MICAL3: variants seen among roughly 807,000 people sequenced by gnomAD.
MICAL3 encodes [F-actin]-monooxygenase MICAL3.
MICAL3 carries 62 observed loss-of-function variants against 207.4 expected under a neutral mutation model. That is an observed-to-expected ratio of 0.30 (90% CI 0.24 to 0.37). The LOEUF (loss-of-function observed/expected upper bound fraction) is 0.37, where lower values mean the gene tolerates loss of function less well. MICAL3 is among the 10% of genes least tolerant of loss of function. MICAL3 has a pLI of 1.00. For missense variants in MICAL3, 2,368 were observed against 2,635.6 expected (o/e 0.90, Z 2.22); for synonymous variants, 1,077 against 1,069.3 (o/e 1.01, Z -0.14).
At chr22:17,867,704 G>C (rs535038598) in intron 17 of MICAL3, among the ~76,000 whole-genome samples, 2 of 152,330 alleles carry the variant, frequency 1.3e-5, no homozygotes, top group Non-Finnish European at 2.9e-5. Flanking sequence ...TATGGGGATG[G>C]TGAGGGAGGT....
chr22:17,854,604 C>A (rs546598460), intron 19 of MICAL3, among the ~76,000 whole-genome samples: 57 of 152,266 alleles, frequency 3.7e-4, no homozygotes, highest in African/African-American at 1.2e-3. Flanking sequence ...TTGGTCACTG[C>A]CACTCGCTGA....
chr22:18,018,396 A>G (rs1355269456), intron 1 of MICAL3, among the ~76,000 whole-genome samples: 4 of 152,184 alleles, frequency 2.6e-5, no homozygotes, highest in African/African-American at 9.7e-5. Flanking sequence ...TAAGAAATAT[A>G]TTTTGCATCA....
At chr22:17,871,753 A>G in intron 17 of MICAL3, 84 bp downstream of exon 17, 1 of 1,268,594 alleles carries the variant, frequency 7.9e-7, no homozygotes. Flanking sequence ...ATAAGGCAGG[A>G]AGGGGCCCAA....
intron 16 of MICAL3, chr22:17,876,694 G>A (rs1928387597): frequency 6.6e-6 from 1 of 150,786 alleles, no homozygotes; most frequent in African/African-American, 2.5e-5. Context: ...AAGTACACAT[G>A]CAGGGTTATG....
Position 17,896,282 on chromosome 22 carries a change from G to C in MICAL3, c.1286C>G (p.Ser429Cys). 1 of 1,559,450 alleles carries C rather than the reference G, an allele frequency of 6.4e-7. No homozygotes were observed. Among genetic ancestry groups the C allele is most frequent in the South Asian group, 1.2e-5 (1 of 84,358 alleles). ...CACTTCCAAAGGGCTCGTTCCTAGA[G>C]ACCAACTTCGGACCATCCAGGCAGA... is the stretch of plus-strand genomic sequence containing the variant. ...MDSAWMVRSW[S>C]LGTSPLEVLA... is the part of the protein sequence containing the mutation. The change falls in exon 9 of 32, where the codon TCT becomes TGT. Residue 429 changes from serine (S) to cysteine (C), a missense_variant. Ser to Cys is a moderately radical substitution (Grantham distance 112). This residue lies in a region of MICAL3 where 147 missense variants were observed against 137.7 expected (regional missense o/e 1.07). Transcript: ENST00000441493.
chr22:17,915,421 G>C (rs1932433523), intron 1 of MICAL3, among the ~76,000 whole-genome samples: 1 of 152,220 alleles, frequency 6.6e-6, no homozygotes, highest in Non-Finnish European at 1.5e-5. Flanking sequence ...CCAGCAGTCC[G>C]AAGGGAGAGA....
In MICAL3 at chr22:17,818,354, T is replaced by C. The variant is rs778168723; in HGVS notation, c.4307A>G (p.Asn1436Ser). Residue 1436 changes from asparagine (N) to serine (S), a missense_variant, in exon 26 of 32, where the codon AAC becomes AGC. Transcript: ENST00000441493. ...GCTCTGGCTGCCCAGTGTCTTCATGTTGGAGGAGCTCCCGTGCAGGCCCAG... is the reference window on the plus strand; with the variant it reads ...GCTCTGGCTGCCCAGTGTCTTCATGCTGGAGGAGCTCCCGTGCAGGCCCAG... ...SGLGLHGSSS[N>S]MKTLGSQSFN... 3 of 1,598,498 alleles carry C rather than the reference T, an allele frequency of 1.9e-6. No individual in the cohort carries two copies. The highest frequency in any genetic ancestry group is 4.5e-5 in the East Asian group (2 of 44,652).
intron 29 of MICAL3, among the ~76,000 whole-genome samples, chr22:17,792,467 G>A (rs996615508): frequency 1.3e-5 from 2 of 152,186 alleles, no homozygotes; most frequent in East Asian, 3.9e-4. Context: ...TTGGCAGGGG[G>A]CGTTCTAGGC....
chr22:17,865,949 G>A lies in MICAL3; in HGVS notation c.2492C>T (p.Pro831Leu), dbSNP rs776847558. The A allele has an allele frequency of 6.8e-6, 11 of 1,613,654 alleles. No homozygotes were observed. The African/African-American group carries it at 8.0e-5, about 12-fold the overall frequency. Residue 831 changes from proline (P) to leucine (L), a missense_variant, in exon 18 of 32, where the codon CCG becomes CTG. By Grantham distance (98) the Pro-to-Leu change is moderately conservative. Coordinates refer to ENST00000441493, the MANE Select transcript of MICAL3 (RefSeq NM_015241.3). Reference protein sequence around the residue: ...RLSGYAQRKRPAVAPLSGKEA... With the variant: ...RLSGYAQRKRLAVAPLSGKEA... ...CTTTCCAGACAGGGGAGCCACTGCC[G>A]GTCTCTTCCTTTGTGCGTAGCCAGA...
intron 19 of MICAL3, among the ~76,000 whole-genome samples, chr22:17,849,589 C>T (rs1034412787): frequency 6.7e-6 from 1 of 150,336 alleles, no homozygotes; most frequent in African/African-American, 2.4e-5. Flanking sequence ...CCTGCCCTGA[C>T]TTCCCAAAGT....
chr22:17,991,940 G>A (rs1242597773), intron 1 of MICAL3, among the ~76,000 whole-genome samples: 12 of 152,152 alleles, frequency 7.9e-5, no homozygotes, highest in Admixed American at 3.9e-4. Context: ...CAGCACCGTG[G>A]TCCTAGGGTT....
At chr22:17,963,580 G>C (rs1268108588) in intron 1 of MICAL3, among the ~76,000 whole-genome samples, 1 of 152,094 alleles carries the variant, frequency 6.6e-6, no homozygotes, top group Non-Finnish European at 1.5e-5. Context: ...AAGGAGAGGA[G>C]GGCAGTGAGC....
chr22:17,842,159 GC>G, intron 19 of MICAL3, 142 bp from the exon 20 acceptor site: 1 of 737,856 alleles, frequency 1.4e-6, no homozygotes, highest in Non-Finnish European at 2.2e-6. Flanking sequence ...GTTGCCAGAG[GC>G]CAGAGAAGGA....
Position 17,821,459 on chromosome 22 carries a change from G to C in MICAL3, c.3499C>G (p.Leu1167Val), listed in dbSNP as rs1569080315. The C allele has an allele frequency of 7.8e-6, 12 of 1,546,190 alleles. No homozygotes were observed. Among genetic ancestry groups the C allele is most frequent in the African/African-American group, 1.4e-5 (1 of 72,254 alleles). ...PIRSPQESAL[L>V]FIPVHSPSTE... ...GAGGGGCTGTGGACTGGAATGAACA[G>C]AAGAGCTGATTCCTGGGGAGACCGG... is the stretch of plus-strand genomic sequence containing the variant. Residue 1167 changes from leucine (L) to valine (V), a missense_variant, in exon 25 of 32, where the codon CTG (leucine) becomes GTG (valine). This residue lies in a region of MICAL3 where 1,770 missense variants were observed against 1,863.2 expected (regional missense o/e 0.95). Transcript: ENST00000441493.
chr22:17,937,065 C>T (rs1303036373), intron 1 of MICAL3, among the ~76,000 whole-genome samples: 10 of 152,216 alleles, frequency 6.6e-5, no homozygotes. Context: ...TTCCATGAGT[C>T]TGGAAGGCTG....
At chr22:17,983,125 A>G (rs545780132) in intron 1 of MICAL3, 2 of 152,348 alleles carry the variant, frequency 1.3e-5, no homozygotes, top group African/African-American at 4.8e-5. Flanking sequence ...TTTGTTGCCC[A>G]GGTTGGTCTC....
intron 21 of MICAL3, among the ~76,000 whole-genome samples, chr22:17,828,817 G>A (rs1922483350): frequency 6.6e-6 from 1 of 152,348 alleles, no homozygotes; most frequent in East Asian, 1.9e-4. Flanking sequence ...CTGATCTGAA[G>A]GATTCGTGTT....
intron 1 of MICAL3, among the ~76,000 whole-genome samples, chr22:17,985,441 C>T (rs1361073771): frequency 2.0e-5 from 3 of 152,094 alleles, no homozygotes; most frequent in African/African-American, 4.8e-5. Context: ...CCTTGCCTTG[C>T]AGATTCCACA....
intron 19 of MICAL3, among the ~76,000 whole-genome samples, chr22:17,854,275 C>T (rs964010888): frequency 3.9e-5 from 6 of 152,106 alleles, no homozygotes; most frequent in African/African-American, 1.4e-4. Context: ...ACACCCGACA[C>T]ACCACAAGGC....
Sources: gnomAD v4.1 joint callset for allele counts (sites outside exome capture counted in the v4.1 genomes callset) on GRCh38, gnomAD v4.1.1 for gene constraint, gnomAD v4.1.1 regional missense constraint, MANE v1.5 for transcripts, NCBI Gene and HGNC (gene_info 2026-07-23, HGNC 2026-07-21) for gene names.